SHKBP1: variants seen among roughly 807,000 people sequenced by gnomAD.
SHKBP1 encodes SH3KBP1 binding protein 1, also known as SH3KBP1-binding protein 1.
A neutral mutation model predicts 83.9 loss-of-function variants in SHKBP1; 71 were observed. The observed-to-expected ratio is 0.85, with a 90% CI of 0.70 to 1.03. SHKBP1 has a LOEUF of 1.03. SHKBP1 is among the 50% of genes least tolerant of loss of function. The probability of loss-of-function intolerance (pLI) is 0.00; values close to 1 mark genes in which losing one functional copy is unlikely to be tolerated. For missense variants in SHKBP1, 824 were observed against 982.4 expected (o/e 0.84, Z 2.16); for synonymous variants, 371 against 398.0 (o/e 0.93, Z 0.81).
At chr19:40,578,274 T>C in intron 5 of SHKBP1, 62 bp downstream of exon 5, 1 of 1,547,260 alleles carries the variant, frequency 6.5e-7, no homozygotes, top group Non-Finnish European at 8.9e-7. Context: ...TGATGCTACC[T>C]GCCCCTCTTC....
chr19:40,583,469 C>T lies in SHKBP1; in HGVS notation c.1032C>T (p.Gly344=), dbSNP rs774643727. 1.4e-5 allele frequency: 22 copies of T among 1,611,486 alleles called. No homozygotes were observed. In the East Asian group the frequency reaches 4.9e-4, roughly 36 times the overall value. Residue 344 remains glycine (G), a synonymous_variant, in exon 11 of 18, where the codon GGC becomes GGT. Coordinates refer to ENST00000291842, the MANE Select transcript of SHKBP1 (RefSeq NM_138392.4). ...TCCTCCTCCTGGGCTGCAACAACGG[C>T]TCCATTTACTACGTGGGTGAGCAGC... ...GSFLLLGCNN[G]SIYYVDVQKF... is the part of the protein sequence containing the mutation.
chr19:40,588,394 G>A (rs926944316), intron 13 of SHKBP1, among the ~76,000 whole-genome samples: 2 of 152,360 alleles, frequency 1.3e-5, no homozygotes, highest in East Asian at 3.9e-4. Context: ...ACCAGGACCG[G>A]TGTGGGGCAG....
intron 12 of SHKBP1, chr19:40,585,705 G>C (rs2081306814): frequency 6.6e-6 from 1 of 151,152 alleles, no homozygotes; most frequent in East Asian, 2.0e-4. Flanking sequence ...CTGCCACCAT[G>C]CCCAGCTAAT....
At chr19:40,588,007 G>A (rs958636320) in intron 13 of SHKBP1, among the ~76,000 whole-genome samples, 13 of 152,188 alleles carry the variant, frequency 8.5e-5, no homozygotes, top group African/African-American at 3.1e-4. Flanking sequence ...CGCTGGAGAG[G>A]GGTCATTCAG....
chr19:40,590,561 T>C lies in SHKBP1; in HGVS notation c.1768+139T>C. The C allele has an allele frequency of 8.1e-7, 1 of 1,241,564 alleles. No homozygotes were observed. The highest frequency in any genetic ancestry group is 1.1e-6 in the Non-Finnish European group (1 of 890,432). 76.9% of individuals were successfully genotyped at this position (1,241,564 alleles called of 1,614,324 possible). ...CCTTTGACCCCCTCTCTGCTCCCCA[T>C]CCCTTCCTGCCCTTGTTTTTCAACC... On this transcript the variant is annotated intron_variant, in intron 16 of 17. Coordinates refer to ENST00000291842, the MANE Select transcript of SHKBP1 (RefSeq NM_138392.4). This position sits in a 1 kb window ranked among gnomAD's most constrained non-coding sequence, Gnocchi z 4.6.
In SHKBP1 at chr19:40,590,646, C is replaced by T. The variant is rs1215467551; in HGVS notation, c.1769-84C>T. On this transcript the variant is annotated intron_variant, in intron 16 of 17. Coordinates refer to ENST00000291842, the MANE Select transcript of SHKBP1 (RefSeq NM_138392.4). The surrounding 1 kb of genome is among the most constrained non-coding windows in gnomAD (Gnocchi z 4.6). ...CTGCTTCCTCTCTCCTGTCCTGACCCTCGGTGCTTGCACTGCAATGCAACC... is the reference window on the plus strand; with the variant it reads ...CTGCTTCCTCTCTCCTGTCCTGACCTTCGGTGCTTGCACTGCAATGCAACC... The T allele has an allele frequency of 6.7e-7, 1 of 1,486,122 alleles. No individual in the cohort carries two copies. The highest frequency in any genetic ancestry group is 2.1e-5 in the Admixed American group (1 of 47,876). The allele number at this position is 1,486,122 out of a possible 1,614,324, so 92.1% of individuals were successfully genotyped here. A position where few individuals can be genotyped will look rare whatever the true frequency, so the allele number is the denominator to read the frequency against.
intron 12 of SHKBP1, 171 bp from the exon 13 acceptor site, chr19:40,586,603 G>C (rs551999766): frequency 1.8e-6 from 1 of 545,812 alleles, no homozygotes; most frequent in East Asian, 3.5e-5. Flanking sequence ...CTGACCTCAA[G>C]CGATCCACCC....
chr19:40,589,142 G>T lies in SHKBP1; in HGVS notation c.1553G>T (p.Ser518Ile). ...ATCCAGAAGGTGGTGCCCAGTGCCA[G>T]CCAGCTCTTCGTGCGTCTCTCATCT... ...VFIQKVVPSA[S>I]QLFVRLSSTG... The change falls in exon 15 of 18, where the codon AGC (serine) becomes ATC (isoleucine). Residue 518 changes from serine (S) to isoleucine (I), a missense_variant. Physicochemically the swap from Ser to Ile is moderately radical, Grantham distance 142. This residue lies in a region of SHKBP1 where 287 missense variants were observed against 322.9 expected (regional missense o/e 0.89). Coordinates refer to ENST00000291842, the MANE Select transcript of SHKBP1 (RefSeq NM_138392.4). 1 of 1,613,376 alleles carries T rather than the reference G, an allele frequency of 6.2e-7. No individual in the cohort carries two copies. Among genetic ancestry groups the T allele is most frequent in the South Asian group, 1.1e-5 (1 of 91,062 alleles).
chr19:40,589,944 G>A (rs2081344018), intron 15 of SHKBP1, among the ~76,000 whole-genome samples: 1 of 152,040 alleles, frequency 6.6e-6, no homozygotes, highest in Non-Finnish European at 1.5e-5. Context: ...TGGGAGGCCA[G>A]GAGCCCAGGG....
At position 40,578,491 on chromosome 19, in the gene SHKBP1, G is replaced by A; in HGVS notation, c.349G>A (p.Asp117Asn). ...VRRLQLREEL[D>N]RSSCGNVLFN... ...TCGCCTGCAGCTTCGAGAGGAGTTGGATCGATCTTCTTGTGGAAACGTCCT... is the reference window on the plus strand; with the variant it reads ...TCGCCTGCAGCTTCGAGAGGAGTTGAATCGATCTTCTTGTGGAAACGTCCT... Residue 117 changes from aspartate to asparagine, a missense_variant, in exon 6 of 18, where the codon GAT (aspartate) becomes AAT (asparagine). Around this residue, in one of 3 missense-constraint regions of SHKBP1, gnomAD observed 355 missense variants for 386.4 expected, o/e 0.92. Coordinates refer to ENST00000291842, the MANE Select transcript of SHKBP1 (RefSeq NM_138392.4). 6.2e-7 allele frequency: 1 copy of A among 1,614,218 alleles called. No homozygotes were observed. The highest frequency in any genetic ancestry group is 8.5e-7 in the Non-Finnish European group (1 of 1,180,046).
chr19:40,591,053 G>T lies in SHKBP1; in HGVS notation c.1970G>T (p.Arg657Leu), dbSNP rs1195416247. The change falls in exon 18 of 18, where the codon CGC (arginine) becomes CTC (leucine). Residue 657 changes from arginine (R) to leucine (L), a missense_variant. This residue lies in a region of SHKBP1 where 287 missense variants were observed against 322.9 expected (regional missense o/e 0.89). Transcript: ENST00000291842. ...SPSPPQAEAR[R>L]RGGGSFVERC... Reference sequence around the variant, plus strand: ...AGCCCCCCGCAGGCTGAGGCCCGGCGCCGTGGTGGGGGCAGCTTTGTGGAA... The same window carrying T: ...AGCCCCCCGCAGGCTGAGGCCCGGCTCCGTGGTGGGGGCAGCTTTGTGGAA... 6.2e-7 allele frequency: 1 copy of T among 1,612,812 alleles called. No homozygotes were observed. The highest frequency in any genetic ancestry group is 1.7e-5 in the Admixed American group (1 of 59,956).
chr19:40,590,174 C>CA lies in SHKBP1; in HGVS notation c.1590-69dup. 6.9e-7 allele frequency: 1 copy of CA among 1,449,316 alleles called. No individual in the cohort carries two copies. Among genetic ancestry groups the CA allele is most frequent in the Non-Finnish European group, 9.2e-7 (1 of 1,092,526 alleles). The allele number at this position is 1,449,316 out of a possible 1,614,324, so 89.8% of individuals were successfully genotyped here. ...CCTGGAGAGGCAGGAACTGCAGCCA[C>CA]AGTGGTGGGGACTGGGACGAGGAAG... On this transcript the variant is annotated intron_variant, in intron 15 of 17. Transcript: ENST00000291842. This position sits in a 1 kb window ranked among gnomAD's most constrained non-coding sequence, Gnocchi z 4.6.
intron 1 of SHKBP1, 112 bp downstream of exon 1, chr19:40,577,097 C>T: frequency 7.4e-7 from 1 of 1,346,416 alleles, no homozygotes; most frequent in South Asian, 1.3e-5. Context: ...GCCCCCCCCC[C>T]CTTTGGAGGC....
chr19:40,577,152 C>T, intron 1 of SHKBP1, 79 bp from the exon 2 acceptor site: 1 of 1,564,238 alleles, frequency 6.4e-7, no homozygotes, highest in Non-Finnish European at 8.8e-7. Flanking sequence ...GGGGAGGGAA[C>T]CCTGGATCCT....
At chr19:40,583,921 A>T (rs1027368585) in intron 12 of SHKBP1, among the ~76,000 whole-genome samples, 1 of 151,670 alleles carries the variant, frequency 6.6e-6, no homozygotes, top group Non-Finnish European at 1.5e-5. Context: ...GCTCACTGCA[A>T]CCTCCACCTC....
chr19:40,578,428 C>T (rs1159743438), intron 5 of SHKBP1, 34 bp from the exon 6 acceptor site: 6 of 1,612,028 alleles, frequency 3.7e-6, no homozygotes. Flanking sequence ...TCAGCATCTC[C>T]CTAAGTCCCA....
intron 2 of SHKBP1, 32 bp from the exon 3 acceptor site, chr19:40,577,364 C>A (rs1199096234): frequency 6.2e-7 from 1 of 1,613,988 alleles, no homozygotes; most frequent in South Asian, 1.1e-5. Context: ...TCCCCCGGCC[C>A]GTGACGCCTG....
Position 40,577,505 on chromosome 19 carries a change from C to G in SHKBP1, c.187-52C>G, listed in dbSNP as rs374995407. 54 of 1,612,350 alleles carry G rather than the reference C, an allele frequency of 3.3e-5. No individual in the cohort carries two copies. The African/African-American group carries it at 3.9e-4, about 12-fold the overall frequency. ...GGTTGGTAGGAAGAGGGGCAGGACC[C>G]CACTCAGTCCTGCCTTTTACCCCAT... is the stretch of plus-strand genomic sequence containing the variant. On this transcript the variant is annotated intron_variant, in intron 3 of 17. Coordinates refer to ENST00000291842, the MANE Select transcript of SHKBP1 (RefSeq NM_138392.4).
At chr19:40,581,528 A>G (rs894273164) in intron 9 of SHKBP1, among the ~76,000 whole-genome samples, 3 of 115,324 alleles carry the variant, frequency 2.6e-5, no homozygotes. Context: ...CATCTCAAAA[A>G]AAAAAAAAAA....
Sources: gnomAD v4.1 joint callset for allele counts (sites outside exome capture counted in the v4.1 genomes callset) on GRCh38, gnomAD v4.1.1 for gene constraint, gnomAD v4.1.1 regional missense constraint, Gnocchi (gnomAD v3.1) non-coding constraint, MANE v1.5 for transcripts, NCBI Gene and HGNC (gene_info 2026-07-23, HGNC 2026-07-21) for gene names.